Variants in NDUFA11 observed in about 807,000 individuals in gnomAD.
NDUFA11 encodes the protein NADH dehydrogenase [ubiquinone] 1 alpha subcomplex subunit 11.
In NDUFA11, 14 loss-of-function variants were observed where a neutral mutation model predicts 11.3. The observed-to-expected ratio is 1.24, with a 90% CI of 0.82 to 1.94. The LOEUF (loss-of-function observed/expected upper bound fraction) is 1.94. Among genes scored for constraint, NDUFA11 ranks in the 30% most tolerant of loss-of-function variants. The pLI is 0.00. For synonymous variants in NDUFA11, 87 were observed against 85.6 expected, an observed-to-expected ratio of 1.02 and a Z score of -0.09; for missense variants, 204 against 200.3, an observed-to-expected ratio of 1.02 and a Z score of -0.11.
downstream of NDUFA11, among the ~76,000 whole-genome samples, chr19:5,893,702 C>T (rs1465693353): frequency 1.3e-5 from 2 of 152,148 alleles, no homozygotes; most frequent in Non-Finnish European, 2.9e-5. This position sits in a 1 kb window ranked among gnomAD's most constrained non-coding sequence, Gnocchi z 4.1. Context: ...CCGGGAGTTC[C>T]AGGCTGAGTT....
intron 1 of NDUFA11, among the ~76,000 whole-genome samples, chr19:5,898,853 G>A (rs535038377): frequency 6.7e-6 from 1 of 149,424 alleles, no homozygotes; most frequent in South Asian, 2.1e-4. Flanking sequence ...CAGCCTGGGG[G>A]ACAGAGTGAG....
chr19:5,901,968 G>A (rs1375294518), intron 1 of NDUFA11, among the ~76,000 whole-genome samples: 1 of 146,798 alleles, frequency 6.8e-6, no homozygotes, highest in Non-Finnish European at 1.5e-5. Context: ...ACCGCGCCCG[G>A]CTGGTTTTGT....
chr19:5,892,719 G>GC (rs1481934736), downstream of NDUFA11: 1 of 687,918 alleles, frequency 1.5e-6, no homozygotes, highest in East Asian at 3.1e-5. Flanking sequence ...GGTGGGCGCT[G>GC]CCCCCTGCCG....
At chr19:5,895,664 C>A (rs904989719) in intron 3 of NDUFA11, 1 of 153,080 alleles carries the variant, frequency 6.5e-6, no homozygotes, top group Admixed American at 6.5e-5. Flanking sequence ...CCCTGAGGGC[C>A]CGAGCCTTGG....
At chr19:5,899,178 C>T (rs1294091689) in intron 1 of NDUFA11, among the ~76,000 whole-genome samples, 18 of 146,786 alleles carry the variant, frequency 1.2e-4, no homozygotes, top group Admixed American at 1.0e-3. Flanking sequence ...GAGATAGAGT[C>T]TCGCTCTGTC....
downstream of NDUFA11, chr19:5,892,532 C>T (rs1628701): frequency 1.4e-4 from 24 of 174,818 alleles, no homozygotes; most frequent in African/African-American, 4.7e-4. Context: ...TTGCCCATTC[C>T]TAGAAGCCAT....
At chr19:5,899,148 C>CTTT (rs550114615) in intron 1 of NDUFA11, among the ~76,000 whole-genome samples, 3,033 of 139,138 alleles carry the variant, frequency 0.022, 98 homozygotes, top group South Asian at 0.078. Context: ...TATGAAGATT[C>CTTT]TTTTTTTTTT....
chr19:5,900,791 A>G (rs985862082), intron 1 of NDUFA11, among the ~76,000 whole-genome samples: 3 of 151,856 alleles, frequency 2.0e-5, no homozygotes, highest in African/African-American at 7.3e-5. Flanking sequence ...GGTGGCAGGC[A>G]CCTGTAATCC....
At chr19:5,898,322 C>T (rs2057623418) in intron 1 of NDUFA11, among the ~76,000 whole-genome samples, 1 of 152,176 alleles carries the variant, frequency 6.6e-6, no homozygotes, top group African/African-American at 2.4e-5. Context: ...CCCCCCCCAA[C>T]AGCACCCTAG....
chr19:5,892,654 G>A, downstream of NDUFA11: 1 of 361,822 alleles, frequency 2.8e-6, no homozygotes, highest in Non-Finnish European at 5.0e-6. Flanking sequence ...TCACCGCGGG[G>A]CTGGGGGCCT....
intron 1 of NDUFA11, chr19:5,899,981 C>T (rs1422891697): frequency 6.6e-6 from 1 of 152,212 alleles, no homozygotes; most frequent in Non-Finnish European, 1.5e-5. Flanking sequence ...GACCAAGGGA[C>T]CCCTAGCTCA....
chr19:5,901,976 T>G (rs373226488), intron 1 of NDUFA11, among the ~76,000 whole-genome samples: 10 of 149,064 alleles, frequency 6.7e-5, no homozygotes, highest in South Asian at 2.1e-4. Context: ...CGGCTGGTTT[T>G]GTTTTGTTTT....
chr19:5,902,854 C>A (rs1015957939), intron 1 of NDUFA11, among the ~76,000 whole-genome samples: 2 of 152,056 alleles, frequency 1.3e-5, no homozygotes, highest in African/African-American at 2.4e-5. Context: ...ACTAAAAATA[C>A]AAAATAATTA....
intron 1 of NDUFA11, among the ~76,000 whole-genome samples, chr19:5,897,409 G>A (rs921238695): frequency 6.6e-6 from 1 of 152,062 alleles, no homozygotes; most frequent in Non-Finnish European, 1.5e-5. Flanking sequence ...GCTCAGCGGC[G>A]CCCCCCACGG....
chr19:5,894,597 T>A, downstream of NDUFA11: 4 of 1,509,230 alleles, frequency 2.7e-6, no homozygotes, highest in Non-Finnish European at 3.6e-6. Context: ...CCTTATCTTA[T>A]CTCCCTTCCT....
Position 5,896,553 on chromosome 19 carries a change from GCCAAA to G in NDUFA11, c.208_212del (p.Phe70ProfsTer?). The G allele has an allele frequency of 6.4e-7, 1 of 1,566,830 alleles. No homozygotes were observed. Among genetic ancestry groups the G allele is most frequent in the Non-Finnish European group, 8.6e-7 (1 of 1,156,478 alleles). ...CATGGGCGCTGATGCAGGTGGTGAG[GCCAAA>G]CACGGCCCCGACAGCAGCTGCGGGG... On this transcript the variant is annotated frameshift_variant, in exon 3 of 4. Coordinates refer to ENST00000308961, the MANE Select transcript of NDUFA11 (RefSeq NM_175614.5). LOFTEE classifies it high-confidence loss of function. The surrounding 1 kb of genome is among the most constrained non-coding windows in gnomAD (Gnocchi z 5.8).
intron 1 of NDUFA11, among the ~76,000 whole-genome samples, chr19:5,903,042 G>A (rs950116538): frequency 2.7e-4 from 40 of 150,844 alleles, no homozygotes; most frequent in African/African-American, 9.0e-4. Context: ...GAATGCCAGG[G>A]CTTGCGGGTC....
At chr19:5,903,035 T>G (rs2057655808) in intron 1 of NDUFA11, among the ~76,000 whole-genome samples, 1 of 138,696 alleles carries the variant, frequency 7.2e-6, no homozygotes, top group Non-Finnish European at 1.5e-5. Flanking sequence ...AAAAGGAGAA[T>G]GCCAGGGCTT....
Position 5,896,086 on chromosome 19 carries a change from G to T in NDUFA11, c.313+367C>A. ...GAAGGCGGCACAGAGCGAGGGCGGC[G>T]GGGATGCTGGCTTGTACACAGGGTG... On this transcript the variant is annotated intron_variant, in intron 3 of 3. Coordinates refer to ENST00000308961, the MANE Select transcript of NDUFA11 (RefSeq NM_175614.5). The surrounding 1 kb of genome is among the most constrained non-coding windows in gnomAD (Gnocchi z 5.8). The T allele has an allele frequency of 2.2e-6, 1 of 458,430 alleles. No homozygotes were observed. Among genetic ancestry groups the T allele is most frequent in the Non-Finnish European group, 3.9e-6 (1 of 259,252 alleles). 28.4% of individuals were successfully genotyped at this position (458,430 alleles called of 1,614,324 possible).
Sources: allele counts gnomAD v4.1 joint callset (sites outside exome capture counted in the v4.1 genomes callset), GRCh38; gene constraint gnomAD v4.1.1; non-coding constraint Gnocchi (gnomAD v3.1); transcripts MANE v1.5; gene names NCBI Gene and HGNC (gene_info 2026-07-23, HGNC 2026-07-21).